C10orf90: variants seen among roughly 807,000 people sequenced by gnomAD.
C10orf90 encodes the protein (E2-independent) E3 ubiquitin-conjugating enzyme FATS.
Under a neutral mutation model 62.5 loss-of-function variants are expected in C10orf90, and 56 were observed. That is an observed-to-expected ratio of 0.90 (90% CI 0.72 to 1.12). The LOEUF is 1.12. Ranked by LOEUF, C10orf90 falls within the 50% of genes most tolerant of loss-of-function variation. C10orf90 has a pLI of 0.00. For missense variants in C10orf90, 970 were observed against 880.4 expected, an observed-to-expected ratio of 1.10 and a Z score of -1.29; for synonymous variants, 386 against 340.4, an observed-to-expected ratio of 1.13 and a Z score of -1.47.
chr10:126,631,598 A>C (rs1288160605), intron 2 of C10orf90, among the ~76,000 whole-genome samples: 1 of 151,980 alleles, frequency 6.6e-6, no homozygotes, highest in Non-Finnish European at 1.5e-5. Flanking sequence ...TCAGCATTGC[A>C]TGCTCAGTGC....
intron 3 of C10orf90, among the ~76,000 whole-genome samples, chr10:126,511,111 T>C (rs1863082407): frequency 6.6e-6 from 1 of 152,208 alleles, no homozygotes; most frequent in African/African-American, 2.4e-5. Flanking sequence ...GGAGCCATGG[T>C]CACTAGATAA....
chr10:126,605,708 C>T (rs1006574457), intron 2 of C10orf90, among the ~76,000 whole-genome samples: 4 of 152,130 alleles, frequency 2.6e-5, no homozygotes, highest in African/African-American at 9.7e-5. Context: ...GGCTGCCTGC[C>T]AGGTGTGGCA....
rs533281841 is a variant in C10orf90, at chr10:126,504,625, G to T, written c.866C>A (p.Ser289Tyr). The change falls in exon 4 of 10, where the codon TCT becomes TAT. Residue 289 changes from serine (S) to tyrosine (Y), a missense_variant. Transcript: ENST00000488181. This position sits in a 1 kb window ranked among gnomAD's most constrained non-coding sequence, Gnocchi z 4.1. ...TCTGGAGAACTCTGTGCAGGCAAAA[G>T]ATCTCTGATGCCGACCTGGATGGGC... ...NGAHPGRHQR[S>Y]FACTEFSRNS... 1.2e-6 allele frequency: 2 copies of T among 1,614,250 alleles called. No individual in the cohort carries two copies. The highest frequency in any genetic ancestry group is 2.7e-5 in the African/African-American group (2 of 75,074).
intron 4 of C10orf90, among the ~76,000 whole-genome samples, chr10:126,477,996 G>A (rs1003079797): frequency 7.2e-5 from 11 of 152,198 alleles, no homozygotes; most frequent in African/African-American, 2.7e-4. Context: ...CCCCCAGCGA[G>A]AGCATGAATA....
chr10:126,514,727 C>T (rs1164864977), intron 2 of C10orf90, among the ~76,000 whole-genome samples: 1 of 152,210 alleles, frequency 6.6e-6, no homozygotes, highest in Admixed American at 6.5e-5. Context: ...CTACCCAGGG[C>T]TTACACAGCC....
intron 7 of C10orf90, among the ~76,000 whole-genome samples, chr10:126,446,958 G>T (rs1159213192): frequency 6.6e-6 from 1 of 152,142 alleles, no homozygotes. Context: ...AAAATAGCCT[G>T]TTATAATTAC....
At chr10:126,445,826 T>TATATATATATATATATAC (rs57867349) in intron 7 of C10orf90, among the ~76,000 whole-genome samples, 19 of 144,824 alleles carry the variant, frequency 1.3e-4, no homozygotes, top group African/African-American at 1.8e-4. Flanking sequence ...TATATATATA[T>TATATATATATATATATAC]ACAATGGAAT....
At chr10:126,575,082 T>G (rs914500047) in intron 2 of C10orf90, among the ~76,000 whole-genome samples, 1 of 152,010 alleles carries the variant, frequency 6.6e-6, no homozygotes, top group African/African-American at 2.4e-5. Context: ...AGAGATAACA[T>G]GATTATGCAT....
chr10:126,470,577 A>AAAAAC (rs1554892935), intron 4 of C10orf90, among the ~76,000 whole-genome samples: 1 of 149,912 alleles, frequency 6.7e-6, no homozygotes, highest in African/African-American at 2.5e-5. Flanking sequence ...TAAAAACTAA[A>AAAAAC]AAACAAACAA....
chr10:126,608,403 T>G (rs1028777193), intron 2 of C10orf90, among the ~76,000 whole-genome samples: 5 of 152,196 alleles, frequency 3.3e-5, no homozygotes, highest in Non-Finnish European at 7.3e-5. Context: ...TGAGCCACCA[T>G]GCCTAGCCTG....
chr10:126,503,904 C>T (rs1862543789), intron 4 of C10orf90, 53 bp downstream of exon 4: 4 of 1,541,834 alleles, frequency 2.6e-6, no homozygotes, highest in African/African-American at 2.8e-5. Context: ...CAACAGTCAC[C>T]TTGCTAGGAC....
chr10:126,612,781 CT>C (rs1845465397), intron 2 of C10orf90, among the ~76,000 whole-genome samples: 1 of 152,194 alleles, frequency 6.6e-6, no homozygotes, highest in African/African-American at 2.4e-5. Context: ...TTTCTGAAAA[CT>C]CTTCTGTGAA....
At chr10:126,618,951 A>G (rs1313144583) in intron 2 of C10orf90, among the ~76,000 whole-genome samples, 2 of 152,200 alleles carry the variant, frequency 1.3e-5, no homozygotes, top group African/African-American at 4.8e-5. Flanking sequence ...GGTAGGCTGG[A>G]TAAATAAAAT....
At chr10:126,600,261 G>A (rs75348926) in intron 2 of C10orf90, among the ~76,000 whole-genome samples, 2,576 of 152,342 alleles carry the variant, frequency 0.017, 59 homozygotes, top group African/African-American at 0.059. Context: ...GCTCACCGGC[G>A]TTGGCATGCG....
chr10:126,534,467 A>C (rs1205494762), intron 2 of C10orf90, among the ~76,000 whole-genome samples: 1 of 152,068 alleles, frequency 6.6e-6, no homozygotes, highest in Non-Finnish European at 1.5e-5. Context: ...AGTCCTTAGG[A>C]TCTGTCTGAA....
At chr10:126,436,836 T>G (rs1374007834) in intron 7 of C10orf90, among the ~76,000 whole-genome samples, 15 of 152,064 alleles carry the variant, frequency 9.9e-5, no homozygotes, top group Non-Finnish European at 1.2e-4. Context: ...TTTGTTTTGT[T>G]TTTTGTAGAG....
Position 126,504,330 on chromosome 10 carries a change from C to T in C10orf90, c.1161G>A (p.Leu387=). The T allele has an allele frequency of 6.2e-7, 1 of 1,614,228 alleles. No individual in the cohort carries two copies. Among genetic ancestry groups the T allele is most frequent in the Non-Finnish European group, 8.5e-7 (1 of 1,180,048 alleles). Residue 387 remains leucine, a synonymous_variant, in exon 4 of 10, where the codon CTG becomes CTA. Transcript: ENST00000488181. The surrounding 1 kb of genome is among the most constrained non-coding windows in gnomAD (Gnocchi z 4.1). ...GGGAACTACAATTGAGGTTGAGCGA[C>T]AGGACGGATCTGTGCATTTTGGGGC... is the stretch of plus-strand genomic sequence containing the variant. ...IASPKMHRSV[L]SLNLNCSSHR... is the part of the protein sequence containing the mutation.
chr10:126,546,186 C>A (rs950037484), intron 2 of C10orf90, among the ~76,000 whole-genome samples: 3 of 152,318 alleles, frequency 2.0e-5, no homozygotes, highest in East Asian at 3.9e-4. Flanking sequence ...AACTTTCAGA[C>A]AATAACCACT....
chr10:126,626,547 C>A lies in C10orf90; in HGVS notation c.313+20018G>T, dbSNP rs910858660. Among the ~76,000 whole-genome samples the A allele has an allele frequency of 7.9e-5, 12 of 152,204 alleles. 1 individual carries two copies. The highest frequency in any genetic ancestry group is 1.9e-4 in the African/African-American group (8 of 41,454). ...ATTACTGTGATAATAAAACCTTACC[C>A]TGGCTTGAGATATGTTCTTCCAACT... On this transcript the variant is annotated intron_variant, in intron 2 of 9. Transcript: ENST00000488181.
Sources: gnomAD v4.1 joint callset for allele counts (sites outside exome capture counted in the v4.1 genomes callset) on GRCh38, gnomAD v4.1.1 for gene constraint, Gnocchi (gnomAD v3.1) non-coding constraint, MANE v1.5 for transcripts, NCBI Gene and HGNC (gene_info 2026-07-23, HGNC 2026-07-21) for gene names.